Variants in WDR41 observed in about 807,000 individuals in gnomAD.
WDR41 encodes WD repeat domain 41.
In WDR41, 63 loss-of-function variants were observed where a neutral mutation model predicts 69.3. The ratio of observed to expected loss-of-function variants is 0.91; its 90% confidence interval spans 0.74 to 1.12. WDR41 has a LOEUF of 1.12. Among genes scored for constraint, WDR41 ranks in the 50% most tolerant of loss-of-function variants. WDR41 has a pLI of 0.00. For synonymous variants in WDR41, 185 were observed against 192.1 expected (o/e 0.96, Z 0.31); for missense variants, 543 against 534.5 (o/e 1.02, Z -0.16).
At chr5:77,448,430 A>C (rs575188431) in intron 8 of WDR41, among the ~76,000 whole-genome samples, 2 of 152,144 alleles carry the variant, frequency 1.3e-5, no homozygotes, top group Non-Finnish European at 2.9e-5. Flanking sequence ...TAAGATGGCT[A>C]TTTGGGAGGA....
At chr5:77,599,332 T>G (rs1744284624) in intron 1 of WDR41, among the ~76,000 whole-genome samples, 1 of 151,098 alleles carries the variant, frequency 6.6e-6, no homozygotes, top group African/African-American at 2.4e-5. Flanking sequence ...TCCTGAGTAG[T>G]TGGGATTAAA....
Position 77,518,032 on chromosome 5 carries a change from C to CA in WDR41, c.43-28461dup, listed in dbSNP as rs200117575. Among the ~76,000 whole-genome samples the CA allele has an allele frequency of 8.6e-4, 130 of 151,924 alleles. 1 individual carries two copies. In the East Asian group the frequency reaches 0.023, roughly 27 times the overall value. On this transcript the variant is annotated intron_variant, in intron 1 of 5. Transcript: ENST00000509971. ...AATTATGAATGCAAATGAGCTCCCT[C>CA]AAAAAAAAGTGTTGCATTGTAACCA... is the stretch of plus-strand genomic sequence containing the variant.
chr5:77,478,329 G>T (rs1443641960), intron 2 of WDR41, among the ~76,000 whole-genome samples: 2 of 152,128 alleles, frequency 1.3e-5, no homozygotes, highest in Non-Finnish European at 2.9e-5. Flanking sequence ...ATTTTATGAG[G>T]CCAGCATCAT....
At chr5:77,474,991 T>C (rs575594707) in intron 2 of WDR41, among the ~76,000 whole-genome samples, 3 of 152,320 alleles carry the variant, frequency 2.0e-5, no homozygotes, top group East Asian at 3.9e-4. Flanking sequence ...GGGCGACGCA[T>C]TGCCTCACTC....
chr5:77,484,491 T>C (rs571239962), intron 2 of WDR41, among the ~76,000 whole-genome samples: 248 of 152,302 alleles, frequency 1.6e-3, no homozygotes, highest in Non-Finnish European at 2.3e-3. Context: ...ACACTGGATA[T>C]AAGTGCTTTA....
intron 9 of WDR41, 100 bp downstream of exon 9, chr5:77,440,713 G>T: frequency 8.7e-7 from 1 of 1,149,998 alleles, no homozygotes. Flanking sequence ...AACCATGAAT[G>T]ATACCTTTTT....
chr5:77,603,119 T>C (rs1744355028), intron 1 of WDR41, among the ~76,000 whole-genome samples: 1 of 151,912 alleles, frequency 6.6e-6, no homozygotes, highest in African/African-American at 2.4e-5. Flanking sequence ...TGTATTTTTA[T>C]TAGAGACGGG....
intron 1 of WDR41, among the ~76,000 whole-genome samples, chr5:77,584,963 A>C (rs918295373): frequency 6.6e-6 from 1 of 152,186 alleles, no homozygotes; most frequent in African/African-American, 2.4e-5. Flanking sequence ...AAAAACAAAG[A>C]TAAATAGCTG....
intron 1 of WDR41, among the ~76,000 whole-genome samples, chr5:77,555,429 C>G (rs1283297122): frequency 6.6e-6 from 1 of 152,192 alleles, no homozygotes; most frequent in Admixed American, 6.5e-5. Context: ...CCACCTCAGT[C>G]TCCCAAGAAG....
chr5:77,610,485 A>G (rs1744524629), intron 1 of WDR41, among the ~76,000 whole-genome samples: 1 of 152,194 alleles, frequency 6.6e-6, no homozygotes, highest in South Asian at 2.1e-4. Context: ...GCCAGAAGAG[A>G]GTGGGGGCCA....
intron 1 of WDR41, among the ~76,000 whole-genome samples, chr5:77,570,454 T>C (rs1743714783): frequency 6.7e-6 from 1 of 149,538 alleles, no homozygotes; most frequent in Non-Finnish European, 1.5e-5. Flanking sequence ...AATGCAATAC[T>C]TATCCAGAAG....
chr5:77,574,152 G>C (rs1435350466), intron 1 of WDR41, among the ~76,000 whole-genome samples: 1 of 151,972 alleles, frequency 6.6e-6, no homozygotes, highest in Non-Finnish European at 1.5e-5. Flanking sequence ...ACAAAAATTA[G>C]CCAGGTATGG....
intron 5 of WDR41, 168 bp downstream of exon 5, chr5:77,458,894 A>C (rs1350398787): frequency 5.9e-6 from 3 of 507,854 alleles, no homozygotes; most frequent in Middle Eastern, 5.3e-4. Flanking sequence ...CTAACACTTA[A>C]TACATGTGCT....
At position 77,505,355 on chromosome 5, in the gene WDR41, G is replaced by C. The variant is rs368757247; in HGVS notation, c.43-15783C>G. Among the ~76,000 whole-genome samples, 139 of 151,898 alleles carry C rather than the reference G, an allele frequency of 9.2e-4. 1 individual carries two copies. Among genetic ancestry groups the C allele is most frequent in the South Asian group, 2.1e-3 (10 of 4,822 alleles). ...GGACCTCTTCAAGGAGAACTACAAAGCACTGCTCAATGAAATAAAAGAGGA... is the reference window on the plus strand; with the variant it reads ...GGACCTCTTCAAGGAGAACTACAAACCACTGCTCAATGAAATAAAAGAGGA... On this transcript the variant is annotated intron_variant, in intron 1 of 5. Coordinates refer to the WDR41 transcript ENST00000509971.
chr5:77,583,662 T>C (rs73127920), intron 1 of WDR41, among the ~76,000 whole-genome samples: 3,177 of 152,222 alleles, frequency 0.021, 92 homozygotes, highest in African/African-American at 0.073. Context: ...CCAGGCCCAG[T>C]TGACCTCACC....
chr5:77,546,023 C>CT, intron 1 of WDR41: 1 of 523,332 alleles, frequency 1.9e-6, no homozygotes, highest in Non-Finnish European at 3.3e-6. Flanking sequence ...GCCCAAGAAG[C>CT]TGCTGATGAT....
intron 8 of WDR41, among the ~76,000 whole-genome samples, chr5:77,446,407 G>T (rs2151298740): frequency 6.6e-6 from 1 of 152,084 alleles, no homozygotes; most frequent in East Asian, 1.9e-4. Flanking sequence ...ATCCTTCAAA[G>T]AATTAGAAAA....
intron 2 of WDR41, among the ~76,000 whole-genome samples, chr5:77,473,840 G>C (rs190185421): frequency 2.6e-4 from 40 of 152,272 alleles, no homozygotes; most frequent in African/African-American, 9.4e-4. Context: ...CTTTTACACT[G>C]TTGGTGGGAC....
At chr5:77,582,391 GAGA>G (rs749843520) in intron 1 of WDR41, 110 of 1,610,628 alleles carry the variant, frequency 6.8e-5, no homozygotes, top group Middle Eastern at 3.4e-4. Flanking sequence ...GGGTGTAGAA[GAGA>G]AGAAGAAGGA....
Sources: gnomAD v4.1 joint callset for allele counts (sites outside exome capture counted in the v4.1 genomes callset) on GRCh38, gnomAD v4.1.1 for gene constraint, MANE v1.5 for transcripts, NCBI Gene and HGNC (gene_info 2026-07-23, HGNC 2026-07-21) for gene names.